The following SH3TC1 variants were observed in gnomAD, a reference collection of about 807,000 sequenced individuals.
SH3TC1 encodes SH3 domain and tetratricopeptide repeats 1.
In SH3TC1, 135 loss-of-function variants were observed where a neutral mutation model predicts 117.3. That is an observed-to-expected ratio of 1.15 (90% CI 1.00 to 1.33). The LOEUF (loss-of-function observed/expected upper bound fraction) is 1.33. Among genes scored for constraint, SH3TC1 ranks in the 40% most tolerant of loss-of-function variants. The probability of loss-of-function intolerance (pLI) is 0.00; values close to 1 mark genes in which losing one functional copy is unlikely to be tolerated. For missense variants in SH3TC1, 2,092 were observed against 1,794.3 expected (o/e 1.17, Z -3.00); for synonymous variants, 898 against 816.9 (o/e 1.10, Z -1.69).
At chr4:8,234,160 CCTTCCATCATCCATCCATCCAT>C (rs1025904409) in intron 14 of SH3TC1, among the ~76,000 whole-genome samples, 1 of 72,864 alleles carries the variant, frequency 1.4e-5, no homozygotes, top group African/African-American at 3.7e-5. Context: ...ATCCATCCAT[CCTTCCATCATCCATCCATCCAT>C]CATCCATCCA....
chr4:8,198,981 A>G (rs1261818171), upstream of SH3TC1, among the ~76,000 whole-genome samples: 1 of 152,220 alleles, frequency 6.6e-6, no homozygotes, highest in East Asian at 1.9e-4. Context: ...AGGAACAGAG[A>G]TCAGAGCTGA....
At chr4:8,224,310 A>G (rs902403422) in intron 10 of SH3TC1, among the ~76,000 whole-genome samples, 12 of 152,198 alleles carry the variant, frequency 7.9e-5, no homozygotes, top group African/African-American at 2.9e-4. Flanking sequence ...AGATCCCACA[A>G]ATCAACTTCC....
intron 14 of SH3TC1, among the ~76,000 whole-genome samples, chr4:8,234,395 T>A (rs1721603441): frequency 6.6e-6 from 1 of 151,576 alleles, no homozygotes; most frequent in African/African-American, 2.4e-5. Context: ...TCCATCCATA[T>A]GTACATACAT....
Position 8,237,430 on chromosome 4 carries a change from G to A in SH3TC1, c.3557-44G>A, listed in dbSNP as rs377718747. The A allele has an allele frequency of 8.9e-5, 123 of 1,381,148 alleles. No individual in the cohort carries two copies. The African/African-American group carries it at 1.2e-3, about 14-fold the overall frequency. The allele number at this position is 1,381,148 out of a possible 1,614,324, so 85.6% of individuals were successfully genotyped here. A position where few individuals can be genotyped will look rare whatever the true frequency, so the allele number is the denominator to read the frequency against. On this transcript the variant is annotated intron_variant, in intron 16 of 17. Coordinates refer to ENST00000245105, the MANE Select transcript of SH3TC1 (RefSeq NM_018986.5). ...CTGCCGGGGTCTGCATGCCTGCCCC[G>A]GGGAGCCACGTCCTCACACCTGCCC...
chr4:8,197,717 A>G (rs1678262), upstream of SH3TC1, among the ~76,000 whole-genome samples: 143,728 of 152,252 alleles, frequency 0.94, 68,172 homozygotes, highest in East Asian at 1. Context: ...AGTTCTTTTC[A>G]GGGCAGCGAG....
intron 9 of SH3TC1, among the ~76,000 whole-genome samples, chr4:8,220,084 C>A (rs1719758798): frequency 6.6e-6 from 1 of 152,234 alleles, no homozygotes; most frequent in Non-Finnish European, 1.5e-5. Context: ...CAACTCCAAT[C>A]TGACCTCATC....
intron 8 of SH3TC1, among the ~76,000 whole-genome samples, chr4:8,218,905 C>T (rs1326128745): frequency 6.6e-6 from 1 of 152,010 alleles, no homozygotes; most frequent in Non-Finnish European, 1.5e-5. Flanking sequence ...GCCTGTGCAC[C>T]TGTCAGAGCT....
intron 1 of SH3TC1, among the ~76,000 whole-genome samples, chr4:8,200,786 G>T (rs921380986): frequency 2.0e-5 from 3 of 152,136 alleles, no homozygotes; most frequent in African/African-American, 4.8e-5. Context: ...GCCTCTTCCC[G>T]CTGCCTGTGG....
At chr4:8,187,461 G>T (rs529498677) in intron 1 of SH3TC1, among the ~76,000 whole-genome samples, 1 of 152,164 alleles carries the variant, frequency 6.6e-6, no homozygotes, top group Non-Finnish European at 1.5e-5. Flanking sequence ...TTGCCCGGGG[G>T]GGTCTGTCTG....
intron 14 of SH3TC1, 76 bp from the exon 15 acceptor site, chr4:8,235,357 G>A: frequency 2.8e-6 from 4 of 1,408,512 alleles, no homozygotes; most frequent in Admixed American, 2.6e-5. Context: ...AGGAGGCTGG[G>A]CGGGGGAGTC....
chr4:8,226,216 G>C (rs990188663), intron 11 of SH3TC1, among the ~76,000 whole-genome samples: 2 of 152,202 alleles, frequency 1.3e-5, no homozygotes, highest in African/African-American at 4.8e-5. Context: ...AAATGCGCTT[G>C]TTTGCTCACC....
intron 4 of SH3TC1, chr4:8,213,344 C>A: frequency 6.4e-6 from 1 of 157,014 alleles, no homozygotes; most frequent in South Asian, 1.9e-4. Flanking sequence ...CCAGCCTGGC[C>A]TTGGCCGGTG....
At chr4:8,217,258 A>G (rs1272726336) in intron 7 of SH3TC1, 91 bp downstream of exon 7, 13 of 1,497,098 alleles carry the variant, frequency 8.7e-6, no homozygotes, top group Non-Finnish European at 1.1e-5. Context: ...ATGGACAGGG[A>G]ATGGTGGGGG....
intron 10 of SH3TC1, 111 bp downstream of exon 10, chr4:8,223,081 T>G: frequency 7.0e-7 from 1 of 1,429,580 alleles, no homozygotes; most frequent in South Asian, 1.4e-5. Context: ...TGCTGAAAGG[T>G]GAACAGACAG....
In SH3TC1 at chr4:8,213,041, C is replaced by T. The variant is rs567413991; in HGVS notation, c.375+213C>T. ...CTTGCTTTGTGGAGGGCACTGTGATCGTCCCTCTGCTCTCCCACAGCCCCA... is the reference window on the plus strand; with the variant it reads ...CTTGCTTTGTGGAGGGCACTGTGATTGTCCCTCTGCTCTCCCACAGCCCCA... On this transcript the variant is annotated intron_variant, in intron 4 of 17. Transcript: ENST00000245105. The T allele has an allele frequency of 2.7e-5, 16 of 598,594 alleles. No homozygotes were observed. In the Admixed American group the frequency reaches 2.8e-4, roughly 10 times the overall value. The allele number at this position is 598,594 out of a possible 1,614,324, so 37.1% of individuals were successfully genotyped here.
Position 8,186,871 on chromosome 4 carries a change from A to C in SH3TC1, c.-57+4661A>C, listed in dbSNP as rs1274283203. Reference sequence around the variant, plus strand: ...AGGTGGGAGAATCGCTTGAACCCAGAAGGTGGAGGTTGCAGTGAGCCGAGA... The same window carrying C: ...AGGTGGGAGAATCGCTTGAACCCAGCAGGTGGAGGTTGCAGTGAGCCGAGA... On this transcript the variant is annotated intron_variant, in intron 1 of 16. Transcript: ENST00000508641. This position sits in a 1 kb window ranked among gnomAD's most constrained non-coding sequence, Gnocchi z 5.2. 6.6e-6 allele frequency among the ~76,000 whole-genome samples: 1 copy of C among 151,010 alleles called. No homozygotes were observed. The highest frequency in any genetic ancestry group is 1.5e-5 in the Non-Finnish European group (1 of 67,724).
At chr4:8,197,191 C>T (rs1016144136), upstream of SH3TC1, among the ~76,000 whole-genome samples, 3 of 152,114 alleles carry the variant, frequency 2.0e-5, no homozygotes, top group Non-Finnish European at 2.9e-5. Context: ...GGAGCGATGC[C>T]ACCTCTAGCC....
Position 8,212,785 on chromosome 4 carries a change from G to T in SH3TC1, c.332G>T (p.Arg111Leu), listed in dbSNP as rs748977972. 3 of 1,608,338 alleles carry T rather than the reference G, an allele frequency of 1.9e-6. No homozygotes were observed. Among genetic ancestry groups the T allele is most frequent in the Admixed American group, 3.4e-5 (2 of 59,426 alleles). Residue 111 changes from arginine to leucine, a missense_variant, in exon 4 of 18, where the codon CGC becomes CTC. Transcript: ENST00000245105. ...GLQQTLRGQL[R>L]LLENDSREMA... ...CAGCAGACCCTCCGGGGCCAGCTCC[G>T]CCTGCTGGAGAATGATAGCCGGGAG...
intron 1 of SH3TC1, among the ~76,000 whole-genome samples, chr4:8,185,266 G>A (rs997203573): frequency 6.6e-6 from 1 of 152,030 alleles, no homozygotes; most frequent in Non-Finnish European, 1.5e-5. Context: ...AACCCGGGAT[G>A]CGGAGGTTGT....
Sources: allele counts gnomAD v4.1 joint callset (sites outside exome capture counted in the v4.1 genomes callset), GRCh38; gene constraint gnomAD v4.1.1; non-coding constraint Gnocchi (gnomAD v3.1); transcripts MANE v1.5; gene names NCBI Gene and HGNC (gene_info 2026-07-23, HGNC 2026-07-21).